PDE1A: variants seen among roughly 807,000 people sequenced by gnomAD.
PDE1A encodes dual specificity calcium/calmodulin-dependent 3',5'-cyclic nucleotide phosphodiesterase 1A.
In PDE1A, 35 loss-of-function variants were observed where a neutral mutation model predicts 61.7. That is an observed-to-expected ratio of 0.57 (90% CI 0.43 to 0.75). The LOEUF (loss-of-function observed/expected upper bound fraction) is 0.75, where lower values mean the gene tolerates loss of function less well. Ranked by LOEUF, PDE1A falls within the 30% of genes least tolerant of loss-of-function variation. The pLI, the probability that PDE1A is intolerant of heterozygous loss-of-function variation, is 0.00. For synonymous variants in PDE1A, 232 were observed against 213.2 expected, an observed-to-expected ratio of 1.09 and a Z score of -0.77; for missense variants, 597 against 630.6, an observed-to-expected ratio of 0.95 and a Z score of 0.57.
intron 2 of PDE1A, among the ~76,000 whole-genome samples, chr2:182,456,879 C>A (rs1028743879): frequency 1.3e-5 from 2 of 152,044 alleles, no homozygotes; most frequent in African/African-American, 4.8e-5. Context: ...ACACAAATGT[C>A]TGGTGAGGAA....
intron 13 of PDE1A, among the ~76,000 whole-genome samples, chr2:182,152,412 C>CTTTTTTTTTTTTT (rs559392112): frequency 6.6e-5 from 5 of 75,296 alleles, no homozygotes; most frequent in Admixed American, 1.9e-4. Context: ...TTTTTTTCCT[C>CTTTTTTTTTTTTT]TTTTTTTTTT....
intron 1 of PDE1A, among the ~76,000 whole-genome samples, chr2:182,308,336 T>C (rs1695737591): frequency 6.6e-6 from 1 of 152,186 alleles, no homozygotes; most frequent in Admixed American, 6.5e-5. Flanking sequence ...TAAAGATGGA[T>C]GTGGTTTGTG....
At chr2:182,306,534 C>A (rs577298269) in intron 1 of PDE1A, among the ~76,000 whole-genome samples, 1 of 151,990 alleles carries the variant, frequency 6.6e-6, no homozygotes, top group South Asian at 2.1e-4. Flanking sequence ...AAGAACAAAT[C>A]TGAAGACACC....
chr2:182,555,270 T>A, the PDE1A span, among the ~76,000 whole-genome samples: 9 of 152,236 alleles, frequency 5.9e-5, no homozygotes, highest in Non-Finnish European at 1.3e-4. Context: ...CTGAGTTAAT[T>A]ACATCATTCA....
chr2:182,532,559 A>T, the PDE1A span, among the ~76,000 whole-genome samples: 2 of 152,178 alleles, frequency 1.3e-5, no homozygotes, highest in African/African-American at 4.8e-5. Flanking sequence ...GGACATAAGG[A>T]TCTTACTGGG....
chr2:182,171,409 C>A (rs1475223799), intron 13 of PDE1A, among the ~76,000 whole-genome samples: 1 of 151,818 alleles, frequency 6.6e-6, no homozygotes, highest in African/African-American at 2.4e-5. Flanking sequence ...AACCATCAGG[C>A]TTTTGCTTTG....
At position 182,240,497 on chromosome 2, in the gene PDE1A, C is replaced by T. The variant is rs146195087; in HGVS notation, c.168-205G>A. Among the ~76,000 whole-genome samples the T allele has an allele frequency of 5.3e-3, 805 of 152,198 alleles. 5 individuals are homozygous for T. The highest frequency in any genetic ancestry group is 9.0e-3 in the Admixed American group (138 of 15,292). On this transcript the variant is annotated intron_variant, in intron 2 of 13. Coordinates refer to ENST00000351439, the Ensembl canonical transcript of PDE1A. ...CAAATTGATCATATGAAGACAACAA[C>T]GAATAGACTTGAGCATTTGCAGCTT... is the stretch of plus-strand genomic sequence containing the variant.
intron 1 of PDE1A, among the ~76,000 whole-genome samples, chr2:182,365,496 C>G (rs1484964501): frequency 6.6e-6 from 1 of 151,938 alleles, no homozygotes; most frequent in South Asian, 2.1e-4. Flanking sequence ...TAAACTAAGT[C>G]AACTTCTCAG....
chr2:182,286,268 C>G (rs184265612), intron 1 of PDE1A, among the ~76,000 whole-genome samples: 45 of 152,202 alleles, frequency 3.0e-4, no homozygotes, highest in Non-Finnish European at 8.8e-5. Context: ...CTTTTTTACA[C>G]AGCTCACAAA....
At chr2:182,234,329 G>C (rs1689830718) in intron 4 of PDE1A, 103 bp downstream of exon 4, 1 of 738,578 alleles carries the variant, frequency 1.4e-6, no homozygotes, top group Non-Finnish European at 2.4e-6. Flanking sequence ...AACGTTCTAA[G>C]ATGTAGGCTG....
At chr2:182,705,820 T>A in the PDE1A span, among the ~76,000 whole-genome samples, 1 of 152,224 alleles carries the variant, frequency 6.6e-6, no homozygotes, top group African/African-American at 2.4e-5. Context: ...AGCTGAGGGC[T>A]AAGTCTTTAA....
At chr2:182,457,887 G>A (rs1686028379) in intron 2 of PDE1A, among the ~76,000 whole-genome samples, 1 of 151,964 alleles carries the variant, frequency 6.6e-6, no homozygotes. Context: ...GATAAATACT[G>A]AGCATTAACA....
At chr2:182,592,497 G>C in the PDE1A span, among the ~76,000 whole-genome samples, 1 of 152,152 alleles carries the variant, frequency 6.6e-6, no homozygotes, top group East Asian at 1.9e-4. Context: ...CCCAACACCA[G>C]CTTCCATGAC....
At chr2:182,675,920 A>G in the PDE1A span, among the ~76,000 whole-genome samples, 1 of 152,132 alleles carries the variant, frequency 6.6e-6, no homozygotes, top group Admixed American at 6.6e-5. Flanking sequence ...TACTCTGTTG[A>G]TAATTTCTTT....
At chr2:182,425,046 A>G (rs1246806369) in intron 1 of PDE1A, among the ~76,000 whole-genome samples, 1 of 152,220 alleles carries the variant, frequency 6.6e-6, no homozygotes, top group Non-Finnish European at 1.5e-5. Flanking sequence ...CACCTTCCCC[A>G]TAGCACCTAA....
At chr2:182,355,537 G>T (rs1336077901) in intron 1 of PDE1A, among the ~76,000 whole-genome samples, 1 of 151,734 alleles carries the variant, frequency 6.6e-6, no homozygotes, top group Non-Finnish European at 1.5e-5. Flanking sequence ...ATAAATAACT[G>T]GATTTTATCT....
intron 7 of PDE1A, among the ~76,000 whole-genome samples, chr2:182,206,487 C>T (rs1397820750): frequency 6.6e-6 from 1 of 152,202 alleles, no homozygotes; most frequent in Admixed American, 6.5e-5. Context: ...TGAATAATGA[C>T]ATGTATCTAC....
the PDE1A span, among the ~76,000 whole-genome samples, chr2:182,575,957 A>C: frequency 6.8e-6 from 1 of 147,354 alleles, no homozygotes; most frequent in Non-Finnish European, 1.5e-5. Flanking sequence ...ATTATAATAT[A>C]TATTATTAAT....
intron 2 of PDE1A, among the ~76,000 whole-genome samples, chr2:182,476,766 G>A (rs548565237): frequency 2.4e-4 from 36 of 151,562 alleles, no homozygotes; most frequent in Middle Eastern, 6.8e-3. Flanking sequence ...AGTTTACCCT[G>A]AAAATGAAGA....
Sources: gnomAD v4.1 joint callset for allele counts (sites outside exome capture counted in the v4.1 genomes callset) on GRCh38, gnomAD v4.1.1 for gene constraint, MANE v1.5 for transcripts, NCBI Gene and HGNC (gene_info 2026-07-23, HGNC 2026-07-21) for gene names.